HSPA4: variants seen among roughly 807,000 people sequenced by gnomAD.
HSPA4 encodes heat shock 70 kDa protein 4.
HSPA4 carries 25 observed loss-of-function variants against 106.2 expected under a neutral mutation model. The observed-to-expected ratio is 0.24, with a 90% CI of 0.17 to 0.33. HSPA4 has a LOEUF of 0.33. Among genes scored for constraint, HSPA4 ranks in the 10% least tolerant of loss-of-function variants. The probability of loss-of-function intolerance (pLI) is 1.00; values close to 1 mark genes in which losing one functional copy is unlikely to be tolerated. For missense variants in HSPA4, 841 were observed against 996.0 expected (o/e 0.84, Z 2.10); for synonymous variants, 332 against 333.6 (o/e 1.00, Z 0.05).
intron 7 of HSPA4, among the ~76,000 whole-genome samples, chr5:133,082,344 G>A (rs113956220): frequency 0.015 from 2,266 of 152,196 alleles, 27 homozygotes; most frequent in Middle Eastern, 0.037. Flanking sequence ...TGATTGTGGC[G>A]ATGCTTGCAC....
chr5:133,070,776 C>T (rs1020051890), intron 4 of HSPA4, among the ~76,000 whole-genome samples: 1 of 152,056 alleles, frequency 6.6e-6, no homozygotes, highest in Non-Finnish European at 1.5e-5. Flanking sequence ...GTGATGGGCA[C>T]CTGTAATCCC....
intron 11 of HSPA4, among the ~76,000 whole-genome samples, chr5:133,090,464 A>G (rs1271956539): frequency 2.0e-5 from 3 of 149,502 alleles, no homozygotes; most frequent in Non-Finnish European, 3.0e-5. Context: ...AAGGATGTAT[A>G]TAGAAAATCA....
At chr5:133,094,569 A>G (rs1561585614) in intron 13 of HSPA4, among the ~76,000 whole-genome samples, 1 of 152,208 alleles carries the variant, frequency 6.6e-6, no homozygotes. Context: ...GCAGTGGCAG[A>G]GACAAGGACT....
chr5:133,101,573 T>G, intron 16 of HSPA4, 186 bp from the exon 17 acceptor site: 1 of 517,496 alleles, frequency 1.9e-6, no homozygotes, highest in South Asian at 2.7e-5. Flanking sequence ...TCCAGATGGA[T>G]CAGTGTTGAG....
At chr5:133,086,332 A>G (rs1283181079) in intron 7 of HSPA4, among the ~76,000 whole-genome samples, 2 of 152,232 alleles carry the variant, frequency 1.3e-5, no homozygotes, top group African/African-American at 4.8e-5. Flanking sequence ...CCTATTCTGA[A>G]TATTTCACAT....
chr5:133,080,456 T>C (rs976446364), intron 7 of HSPA4, among the ~76,000 whole-genome samples: 6 of 149,364 alleles, frequency 4.0e-5, no homozygotes, highest in African/African-American at 2.5e-5. Flanking sequence ...ATAATTTTAC[T>C]ACACTATATT....
At chr5:133,101,996 G>A (rs1317677630) in intron 17 of HSPA4, 118 bp downstream of exon 17, 7 of 657,074 alleles carry the variant, frequency 1.1e-5, no homozygotes, top group African/African-American at 4.0e-5. Context: ...GTACAATCTC[G>A]GCTCAGTGCA....
In HSPA4 at chr5:133,067,485, A is replaced by G; in HGVS notation, c.234A>G (p.Pro78=). ...KRFHGRAFSD[P]FVEAEKSNLA... The stretch of plus-strand genomic sequence containing the variant: ...TCCATGGCCGAGCATTCTCTGATCC[A>G]TTTGTGGAGGCAGAAAAATCTAACC... Residue 78 remains proline (P), a synonymous_variant, in exon 3 of 19, where the codon CCA becomes CCG. Coordinates refer to ENST00000304858, the MANE Select transcript of HSPA4 (RefSeq NM_002154.4). 3.1e-6 allele frequency: 5 copies of G among 1,613,852 alleles called. No homozygotes were observed. The highest frequency in any genetic ancestry group is 1.1e-5 in the South Asian group (1 of 91,076).
intron 13 of HSPA4, among the ~76,000 whole-genome samples, chr5:133,094,410 C>T (rs1765685969): frequency 6.6e-6 from 1 of 152,144 alleles, no homozygotes; most frequent in South Asian, 2.1e-4. Flanking sequence ...ATTTTCATGT[C>T]AATTAACAAA....
intron 14 of HSPA4, among the ~76,000 whole-genome samples, chr5:133,096,874 A>G (rs2126715251): frequency 6.6e-6 from 1 of 152,354 alleles, no homozygotes; most frequent in South Asian, 2.1e-4. Context: ...ACTTAGTGAC[A>G]TTGAACCAAT....
At chr5:133,101,635 G>T (rs542588327) in intron 16 of HSPA4, 124 bp from the exon 17 acceptor site, 2 of 862,042 alleles carry the variant, frequency 2.3e-6, no homozygotes, top group Admixed American at 3.0e-5. Flanking sequence ...AAGGCCTGGA[G>T]AAATATATTT....
chr5:133,092,355 G>A (rs1450564373), intron 12 of HSPA4, among the ~76,000 whole-genome samples: 1 of 152,164 alleles, frequency 6.6e-6, no homozygotes, highest in Non-Finnish European at 1.5e-5. Context: ...GAGGAAGCCT[G>A]GAGAAGCTTA....
chr5:133,101,466 CTTTATA>C (rs1765784092), intron 16 of HSPA4: 1 of 211,568 alleles, frequency 4.7e-6, no homozygotes, highest in South Asian at 1.7e-4. Context: ...GGCAAGTATA[CTTTATA>C]TTTAGTACTG....
intron 13 of HSPA4, among the ~76,000 whole-genome samples, chr5:133,094,262 T>G (rs1439802366): frequency 6.6e-6 from 1 of 152,222 alleles, no homozygotes; most frequent in Admixed American, 6.5e-5. Context: ...ATCTTTTATT[T>G]ATAAAATTAC....
intron 7 of HSPA4, among the ~76,000 whole-genome samples, chr5:133,077,833 C>T (rs1047320149): frequency 2.0e-5 from 3 of 152,066 alleles, no homozygotes; most frequent in Non-Finnish European, 4.4e-5. Context: ...TTTTTAGTCA[C>T]CTCTCCCCCT....
In HSPA4 at chr5:133,052,059, A is replaced by G; in HGVS notation, c.-192A>G. ...ACCGGCGCCTCCTCTGCGGCCACTG[A>G]GCCGGAGCCGGCCTGAGCAGCGCTC... On this transcript the variant is annotated 5_prime_UTR_variant, in exon 1 of 19. Transcript: ENST00000304858. 2 of 535,562 alleles carry G rather than the reference A, an allele frequency of 3.7e-6. No homozygotes were observed. The highest frequency in any genetic ancestry group is 6.8e-5 in the East Asian group (2 of 29,624). The allele number at this position is 535,562 out of a possible 1,614,324, so 33.2% of individuals were successfully genotyped here. A position where few individuals can be genotyped will look rare whatever the true frequency, so the allele number is the denominator to read the frequency against.
chr5:133,100,557 T>C (rs1022047924), intron 16 of HSPA4, among the ~76,000 whole-genome samples: 3 of 151,986 alleles, frequency 2.0e-5, no homozygotes, highest in Non-Finnish European at 2.9e-5. Flanking sequence ...CCCAGCACTT[T>C]GGGAGGCCTA....
chr5:133,072,632 C>G (rs1354693351), intron 4 of HSPA4, among the ~76,000 whole-genome samples: 2 of 149,636 alleles, frequency 1.3e-5, no homozygotes, highest in Non-Finnish European at 3.0e-5. Context: ...GTCTCAAACT[C>G]GTGACATCAG....
intron 1 of HSPA4, among the ~76,000 whole-genome samples, chr5:133,053,227 C>A (rs946130746): frequency 6.6e-6 from 1 of 151,824 alleles, no homozygotes; most frequent in African/African-American, 2.4e-5. Context: ...GTTACAGTGT[C>A]TGCCTTTTGA....
Sources: gnomAD v4.1 joint callset for allele counts (sites outside exome capture counted in the v4.1 genomes callset) on GRCh38, gnomAD v4.1.1 for gene constraint, MANE v1.5 for transcripts, NCBI Gene and HGNC (gene_info 2026-07-23, HGNC 2026-07-21) for gene names.